The following MYO9A variants were observed in gnomAD, a reference collection of about 807,000 sequenced individuals.
MYO9A encodes the protein myosin IXA.
Under a neutral mutation model 293.3 loss-of-function variants are expected in MYO9A, and 103 were observed. The observed-to-expected ratio is 0.35, with a 90% confidence interval of 0.30 to 0.41. MYO9A has a LOEUF of 0.41. MYO9A is among the 10% of genes least tolerant of loss of function. MYO9A has a pLI of 1.00. For synonymous variants in MYO9A, 1,001 were observed against 1,035.7 expected (o/e 0.97, Z 0.64); for missense variants, 2,685 against 3,033.0 (o/e 0.89, Z 2.69).
At chr15:71,873,704 T>C (rs989816647) in intron 32 of MYO9A, among the ~76,000 whole-genome samples, 1 of 152,234 alleles carries the variant, frequency 6.6e-6, no homozygotes, top group Admixed American at 6.5e-5. Flanking sequence ...TGTGTATTTC[T>C]AGACATTTCT....
chr15:71,964,450 C>G (rs1054399769), intron 13 of MYO9A, among the ~76,000 whole-genome samples: 1 of 151,866 alleles, frequency 6.6e-6, no homozygotes. Flanking sequence ...AGTTTGAGAC[C>G]AGCCTAGCCA....
chr15:71,840,834 C>A (rs1244444484), intron 39 of MYO9A, among the ~76,000 whole-genome samples: 1 of 152,086 alleles, frequency 6.6e-6, no homozygotes, highest in Non-Finnish European at 1.5e-5. Context: ...GGTTTCACCA[C>A]GTTAGCCAGG....
At chr15:71,921,865 A>G (rs2145085765) in intron 18 of MYO9A, among the ~76,000 whole-genome samples, 1 of 152,324 alleles carries the variant, frequency 6.6e-6, no homozygotes, top group East Asian at 1.9e-4. Flanking sequence ...CACCACAATC[A>G]TGATAATGAA....
rs1211186166 is a variant in MYO9A, at chr15:72,094,035, A to C, written c.-72+23645T>G. Among the ~76,000 whole-genome samples, 2 of 91,710 alleles carry C rather than the reference A, an allele frequency of 2.2e-5. 1 individual carries two copies. Among genetic ancestry groups the C allele is most frequent in the Non-Finnish European group, 6.6e-5 (2 of 30,268 alleles). The allele number at this position is 91,710 out of a possible 152,430, so 60.2% of individuals were successfully genotyped here. A position where few individuals can be genotyped will look rare whatever the true frequency, so the allele number is the denominator to read the frequency against. On this transcript the variant is annotated intron_variant, in intron 1 of 41. Coordinates refer to ENST00000356056, the MANE Select transcript of MYO9A (RefSeq NM_006901.4). ...AAAAAGAAGAAAAACACAAAAATAC[A>C]AAAAAAGGTTAAAAAAACATATAAG...
chr15:72,113,161 G>A (rs1030896568), intron 1 of MYO9A, among the ~76,000 whole-genome samples: 1 of 152,192 alleles, frequency 6.6e-6, no homozygotes, highest in Non-Finnish European at 1.5e-5. Context: ...AAACCCTAGT[G>A]AAGAAAACAG....
chr15:71,882,422 A>AC (rs2056901664), intron 28 of MYO9A, among the ~76,000 whole-genome samples: 1 of 152,230 alleles, frequency 6.6e-6, no homozygotes, highest in Non-Finnish European at 1.5e-5. Flanking sequence ...TGAACGATGA[A>AC]CTAACTGTTG....
At chr15:71,934,535 C>A (rs545277632) in intron 17 of MYO9A, among the ~76,000 whole-genome samples, 1 of 151,804 alleles carries the variant, frequency 6.6e-6, no homozygotes, top group Admixed American at 6.6e-5. Flanking sequence ...CTCTAGCTAG[C>A]GGTCAAACGA....
In MYO9A at chr15:71,826,942, C is replaced by T. The variant is rs771852428; in HGVS notation, c.7285G>A (p.Val2429Met). The change falls in exon 42 of 42, where the codon GTG becomes ATG. Residue 2429 changes from valine to methionine, a missense_variant. This residue lies in a region of MYO9A where 350 missense variants were observed against 328.9 expected (regional missense o/e 1.06). Transcript: ENST00000356056. ...CATAAAGAGGAGACCGAAGAGTCCACGACATCTAAAGAGTCTTGCTGCTTT... is the reference window on the plus strand; with the variant it reads ...CATAAAGAGGAGACCGAAGAGTCCATGACATCTAAAGAGTCTTGCTGCTTT... Reference protein sequence around the residue: ...LKKQQDSLDVVDSSVSSLCLS... With the variant: ...LKKQQDSLDVMDSSVSSLCLS... 10 of 1,613,914 alleles carry T rather than the reference C, an allele frequency of 6.2e-6. No individual in the cohort carries two copies. The highest frequency in any genetic ancestry group is 1.1e-5 in the South Asian group (1 of 91,076).
intron 18 of MYO9A, among the ~76,000 whole-genome samples, chr15:71,921,138 A>G (rs1328279474): frequency 1.3e-5 from 2 of 152,242 alleles, no homozygotes; most frequent in Non-Finnish European, 2.9e-5. Context: ...TAGATCTAAT[A>G]CAGGTGACAG....
chr15:71,923,136 CTG>C (rs2058200144), intron 18 of MYO9A, among the ~76,000 whole-genome samples: 1 of 152,130 alleles, frequency 6.6e-6, no homozygotes, highest in Admixed American at 6.5e-5. Context: ...ATTGAAATAA[CTG>C]TATAATTTTT....
intron 19 of MYO9A, among the ~76,000 whole-genome samples, chr15:71,907,736 T>A (rs199644342): frequency 0.027 from 4,058 of 151,944 alleles, 140 homozygotes; most frequent in East Asian, 0.18. Flanking sequence ...GCTGCATAAA[T>A]GTCTTCTTTT....
intron 27 of MYO9A, among the ~76,000 whole-genome samples, chr15:71,885,528 G>C: frequency 6.6e-6 from 1 of 151,972 alleles, no homozygotes; most frequent in Non-Finnish European, 1.5e-5. Context: ...ATCTCTCCCA[G>C]AGCCTTCTAA....
intron 35 of MYO9A, among the ~76,000 whole-genome samples, chr15:71,853,320 G>T (rs1338595745): frequency 6.6e-6 from 1 of 152,220 alleles, no homozygotes; most frequent in Non-Finnish European, 1.5e-5. Flanking sequence ...TAAAAGGACA[G>T]TGATAACTGA....
intron 27 of MYO9A, among the ~76,000 whole-genome samples, chr15:71,885,540 T>G (rs1478720008): frequency 6.6e-6 from 1 of 152,116 alleles, no homozygotes; most frequent in Non-Finnish European, 1.5e-5. Context: ...GCCTTCTAAC[T>G]TGCTCCAATT....
intron 18 of MYO9A, among the ~76,000 whole-genome samples, chr15:71,924,834 C>T (rs763214571): frequency 2.6e-5 from 4 of 151,574 alleles, no homozygotes; most frequent in Admixed American, 6.6e-5. Context: ...GCAGGAGAAT[C>T]GCTTGAACTC....
chr15:71,850,300 A>G lies in MYO9A; in HGVS notation c.6582-133T>C. 5 of 1,045,490 alleles carry G rather than the reference A, an allele frequency of 4.8e-6. No homozygotes were observed. In the South Asian group the frequency reaches 6.2e-5, roughly 13 times the overall value. The allele number at this position is 1,045,490 out of a possible 1,614,324, so 64.8% of individuals were successfully genotyped here. Reference sequence around the variant, plus strand: ...GCATAGTACTAGAAGGATATCCATTAAGTTTAAGGGTCTGCAGACTTTTCC... The same window carrying G: ...GCATAGTACTAGAAGGATATCCATTGAGTTTAAGGGTCTGCAGACTTTTCC... On this transcript the variant is annotated intron_variant, in intron 37 of 41. Coordinates refer to ENST00000356056, the MANE Select transcript of MYO9A (RefSeq NM_006901.4).
chr15:71,979,702 T>C (rs2076225392), intron 11 of MYO9A, among the ~76,000 whole-genome samples: 1 of 152,204 alleles, frequency 6.6e-6, no homozygotes, highest in African/African-American at 2.4e-5. Context: ...AGTTGAGACA[T>C]ATGGCCCAAA....
At chr15:71,934,983 A>G (rs1392758444) in intron 17 of MYO9A, among the ~76,000 whole-genome samples, 1 of 151,822 alleles carries the variant, frequency 6.6e-6, no homozygotes, top group Non-Finnish European at 1.5e-5. Flanking sequence ...GCTAGAATTA[A>G]TGGATAATTA....
At chr15:72,045,104 T>A (rs1005345937) in intron 2 of MYO9A, 5 of 151,984 alleles carry the variant, frequency 3.3e-5, no homozygotes, top group African/African-American at 1.2e-4. Context: ...TTTTCTTTCT[T>A]TTTTTTTAAA....
Sources: gnomAD v4.1 joint callset for allele counts (sites outside exome capture counted in the v4.1 genomes callset) on GRCh38, gnomAD v4.1.1 for gene constraint, gnomAD v4.1.1 regional missense constraint, MANE v1.5 for transcripts, NCBI Gene and HGNC (gene_info 2026-07-23, HGNC 2026-07-21) for gene names.